RWDD3: variants seen among roughly 807,000 people sequenced by gnomAD.
The protein encoded by RWDD3 is RWD domain containing 3.
A neutral mutation model predicts 26.5 loss-of-function variants in RWDD3; 30 were observed. The ratio of observed to expected loss-of-function variants is 1.13; its 90% CI spans 0.85 to 1.54. The LOEUF is 1.54. RWDD3 is among the 40% of genes most tolerant of loss of function. The pLI, the probability that RWDD3 is intolerant of heterozygous loss-of-function variation, is 0.00. For synonymous variants in RWDD3, 113 were observed against 114.5 expected, an observed-to-expected ratio of 0.99 and a Z score of 0.09; for missense variants, 296 against 309.1, an observed-to-expected ratio of 0.96 and a Z score of 0.32.
rs762742385 is a variant in RWDD3 at position 95,234,235 on chromosome 1, C to G, written c.5C>G (p.Ala2Gly). Residue 2 changes from alanine (A) to glycine (G), a missense_variant, in exon 1 of 4, where the codon GCG becomes GGG. Ala to Gly is a moderately conservative substitution (Grantham distance 60). Coordinates refer to ENST00000370202, the MANE Select transcript of RWDD3 (RefSeq NM_015485.5). M[A>G]EPVQEELSVL... ...GAGGCGGTGGGGCCCACAGCCATGG[C>G]GGAGCCTGTGCAGGAGGAGCTCTCG... The G allele has an allele frequency of 6.3e-7, 1 of 1,587,992 alleles. No individual in the cohort carries two copies. The highest frequency in any genetic ancestry group is 1.1e-5 in the South Asian group (1 of 87,170).
Position 95,246,934 on chromosome 1 carries a change from G to A in RWDD3, c.*64G>A, listed in dbSNP as rs1680876022. 5 of 952,758 alleles carry A rather than the reference G, an allele frequency of 5.2e-6. No homozygotes were observed. The highest frequency in any genetic ancestry group is 7.5e-6 in the Non-Finnish European group (5 of 663,924). 59.0% of individuals were successfully genotyped at this position (952,758 alleles called of 1,614,324 possible). A position where few individuals can be genotyped will look rare whatever the true frequency, so the allele number is the denominator to read the frequency against. ...TTTTGTTGTTTTTGCATTGGATTTG[G>A]GGAGTGGTTAATTGAAATAGTCAAT... On this transcript the variant is annotated 3_prime_UTR_variant, in exon 4 of 4. Coordinates refer to ENST00000370202, the MANE Select transcript of RWDD3 (RefSeq NM_015485.5).
intron 1 of RWDD3, among the ~76,000 whole-genome samples, chr1:95,235,454 G>T (rs1233744188): frequency 1.4e-5 from 2 of 138,614 alleles, no homozygotes; most frequent in African/African-American, 5.3e-5. Context: ...CACCTCCTGG[G>T]TTCACACCAT....
chr1:95,240,188 G>A (rs1221115404), intron 1 of RWDD3, among the ~76,000 whole-genome samples: 1 of 152,166 alleles, frequency 6.6e-6, no homozygotes, highest in South Asian at 2.1e-4. Context: ...ACAGCTTCTG[G>A]GAAACAGAAT....
In RWDD3 at chr1:95,244,496, G is replaced by A; in HGVS notation, c.371G>A (p.Ser124Asn). The A allele has an allele frequency of 1.2e-6, 2 of 1,614,202 alleles. No individual in the cohort carries two copies. The highest frequency in any genetic ancestry group is 1.7e-6 in the Non-Finnish European group (2 of 1,180,036). Residue 124 changes from serine to asparagine, a missense_variant, in exon 2 of 4, where the codon AGT (serine) becomes AAT (asparagine). Physicochemically the swap from Ser to Asn is conservative, Grantham distance 46 (BLOSUM62 1). Transcript: ENST00000370202. Reference protein sequence around the residue: ...ILSQPETGSGSEKCTFSTSTT... With the variant: ...ILSQPETGSGNEKCTFSTSTT... ...AGCCAACCAGAAACTGGCAGTGGCA[G>A]TGAAAAGTGTACTTTTTCAACAAGC...
rs1278066106 is a variant in RWDD3 at position 95,244,527 on chromosome 1, CATGG to C, written c.406_409del (p.Asp136MetfsTer5). 6.2e-7 allele frequency: 1 copy of C among 1,614,050 alleles called. No individual in the cohort carries two copies. Among genetic ancestry groups the C allele is most frequent in the African/African-American group, 1.3e-5 (1 of 74,922 alleles). ...AGTGTACTTTTTCAACAAGCACGACCATGGATGATGGATTGTGGATAACTCTTTT... is the reference window on the plus strand; with the variant it reads ...AGTGTACTTTTTCAACAAGCACGACCATGATGGATTGTGGATAACTCTTTT... On this transcript the variant is annotated frameshift_variant, in exon 2 of 4. Transcript: ENST00000370202. LOFTEE classifies it high-confidence loss of function.
At position 95,243,170 on chromosome 1, in the gene RWDD3, C is replaced by T. The variant is rs568446608; in HGVS notation, c.86-1041C>T. 5.9e-5 allele frequency: 9 copies of T among 152,228 alleles called. No homozygotes were observed. The South Asian group carries it at 1.7e-3, about 28-fold the overall frequency. 9.4% of individuals were successfully genotyped at this position (152,228 alleles called of 1,614,324 possible). A position where few individuals can be genotyped will look rare whatever the true frequency, so the allele number is the denominator to read the frequency against. Reference sequence around the variant, plus strand: ...AAACTCTGTAACAGATGTGTCTGGTCCTGTATGAATCAATATCTGTAGCAA... The same window carrying T: ...AAACTCTGTAACAGATGTGTCTGGTTCTGTATGAATCAATATCTGTAGCAA... On this transcript the variant is annotated intron_variant, in intron 1 of 3. Transcript: ENST00000370202.
At chr1:95,240,114 C>T (rs1004174045) in intron 1 of RWDD3, among the ~76,000 whole-genome samples, 1 of 152,200 alleles carries the variant, frequency 6.6e-6, no homozygotes, top group African/African-American at 2.4e-5. Flanking sequence ...TAATACTCCC[C>T]TCTCGAAATC....
intron 2 of RWDD3, among the ~76,000 whole-genome samples, chr1:95,245,363 GAA>G (rs1275150552): frequency 6.6e-6 from 1 of 152,104 alleles, no homozygotes; most frequent in Non-Finnish European, 1.5e-5. Flanking sequence ...ACAAGATGAG[GAA>G]AACTGTTTTT....
At position 95,246,590 on chromosome 1, in the gene RWDD3, G is replaced by A. The variant is rs1313356689; in HGVS notation, c.622G>A (p.Gly208Arg). The A allele has an allele frequency of 1.2e-6, 2 of 1,612,576 alleles. No individual in the cohort carries two copies. The highest frequency in any genetic ancestry group is 1.7e-5 in the Admixed American group (1 of 59,912). Reference protein sequence around the residue: ...KTSKVDVDSSGKKCKEKMISV... With the variant: ...KTSKVDVDSSRKKCKEKMISV... ...CTCCAAAGTAGATGTGGACTCAAGT[G>A]GAAAGAAATGCAAAGAGAAAATGAT... Residue 208 changes from glycine (G) to arginine (R), a missense_variant, in exon 3 of 4, where the codon GGA becomes AGA. Transcript: ENST00000370202.
chr1:95,238,108 A>T (rs144609241), intron 1 of RWDD3, among the ~76,000 whole-genome samples: 1 of 152,234 alleles, frequency 6.6e-6, no homozygotes, highest in African/African-American at 2.4e-5. Context: ...GACACAGATT[A>T]TGTGGCCATA....
At position 95,244,262 on chromosome 1, in the gene RWDD3, A is replaced by T; in HGVS notation, c.137A>T (p.Asp46Val). 1 of 1,614,226 alleles carries T rather than the reference A, an allele frequency of 6.2e-7. No homozygotes were observed. Among genetic ancestry groups the T allele is most frequent in the Non-Finnish European group, 8.5e-7 (1 of 1,180,034 alleles). Residue 46 changes from aspartate to valine, a missense_variant, in exon 2 of 4, where the codon GAT becomes GTT. Asp to Val is a radical substitution (Grantham distance 152, BLOSUM62 -3). Transcript: ENST00000370202. Reference sequence around the variant, plus strand: ...CACACAAAAGCTGAAGGATTTATGGATGTGGATATACCTCTGGAATTGGTG... The same window carrying T: ...CACACAAAAGCTGAAGGATTTATGGTTGTGGATATACCTCTGGAATTGGTG... ...RIHTKAEGFM[D>V]VDIPLELVFH...
rs1454562820 is a variant in RWDD3 at position 95,239,713 on chromosome 1, C to T, written c.86-4498C>T. 1.1e-5 allele frequency: 13 copies of T among 1,187,208 alleles called. No individual in the cohort carries two copies. The Admixed American group carries it at 2.7e-4, about 25-fold the overall frequency. 73.5% of individuals were successfully genotyped at this position (1,187,208 alleles called of 1,614,324 possible). On this transcript the variant is annotated intron_variant, in intron 1 of 3. Coordinates refer to ENST00000370202, the MANE Select transcript of RWDD3 (RefSeq NM_015485.5). ...TCTTCCGAACATATAACTAGTATGA[C>T]GGTCACAGTTTTCTAAGGTGAAAGT...
chr1:95,241,256 A>G (rs1680606692), intron 1 of RWDD3, among the ~76,000 whole-genome samples: 1 of 152,170 alleles, frequency 6.6e-6, no homozygotes, highest in Non-Finnish European at 1.5e-5. Flanking sequence ...TTCAGCCAGT[A>G]AGGAGACAGT....
intron 1 of RWDD3, 45 bp from the exon 2 acceptor site, chr1:95,244,166 A>C (rs776896069): frequency 1.9e-6 from 3 of 1,566,692 alleles, no homozygotes; most frequent in Non-Finnish European, 2.6e-6. Flanking sequence ...GTTCCATTCA[A>C]ATTGAATAAT....
Position 95,234,241 on chromosome 1 carries a change from C to A in RWDD3, c.11C>A (p.Pro4His). The change falls in exon 1 of 4, where the codon CCT (proline) becomes CAT (histidine). Residue 4 changes from proline (P) to histidine (H), a missense_variant. By Grantham distance (77) the Pro-to-His change is moderately conservative. Coordinates refer to ENST00000370202, the MANE Select transcript of RWDD3 (RefSeq NM_015485.5). MAE[P>H]VQEELSVLAA... ...GTGGGGCCCACAGCCATGGCGGAGC[C>A]TGTGCAGGAGGAGCTCTCGGTCCTG... is the stretch of plus-strand genomic sequence containing the variant. 1 of 1,591,716 alleles carries A rather than the reference C, an allele frequency of 6.3e-7. No homozygotes were observed. Among genetic ancestry groups the A allele is most frequent in the East Asian group, 2.3e-5 (1 of 43,878 alleles).
chr1:95,235,869 A>AC (rs933521861), intron 1 of RWDD3, among the ~76,000 whole-genome samples: 1 of 150,812 alleles, frequency 6.6e-6, no homozygotes, highest in Non-Finnish European at 1.5e-5. Flanking sequence ...CTATTGAATA[A>AC]AAAAAAAAGA....
chr1:95,246,834 G>C lies in RWDD3; in HGVS notation c.768G>C (p.Lys256Asn). ...QKEFETAGLK[K>N]LFSEFVLALV... ...AATTTGAAACTGCAGGACTTAAGAA[G>C]CTTTTCTCCGAATTTGTACTTGCTC... is the stretch of plus-strand genomic sequence containing the variant. The change falls in exon 4 of 4, where the codon AAG (lysine) becomes AAC (asparagine). Residue 256 changes from lysine to asparagine, a missense_variant. Transcript: ENST00000370202. 1 of 1,554,978 alleles carries C rather than the reference G, an allele frequency of 6.4e-7. No individual in the cohort carries two copies. Among genetic ancestry groups the C allele is most frequent in the South Asian group, 1.2e-5 (1 of 81,540 alleles).
chr1:95,237,638 A>G (rs1016470459), intron 1 of RWDD3, among the ~76,000 whole-genome samples: 11 of 152,292 alleles, frequency 7.2e-5, no homozygotes, highest in African/African-American at 2.4e-4. Context: ...ACTCCCATCT[A>G]CAAGGGAGGG....
intron 1 of RWDD3, among the ~76,000 whole-genome samples, chr1:95,234,887 T>G (rs1680231938): frequency 6.6e-6 from 1 of 151,616 alleles, no homozygotes; most frequent in Non-Finnish European, 1.5e-5. Context: ...CCAAGTTGAT[T>G]GCTTTTCTGA....
Sources: allele counts gnomAD v4.1 joint callset (sites outside exome capture counted in the v4.1 genomes callset), GRCh38; gene constraint gnomAD v4.1.1; transcripts MANE v1.5; gene names NCBI Gene and HGNC (gene_info 2026-07-23, HGNC 2026-07-21).